SBK1: variants seen among roughly 807,000 people sequenced by gnomAD.
SBK1 encodes the protein SH3 domain binding kinase 1.
A neutral mutation model predicts 24.4 loss-of-function variants in SBK1; 11 were observed. The ratio of observed to expected loss-of-function variants is 0.45; its 90% CI spans 0.28 to 0.75. The LOEUF (loss-of-function observed/expected upper bound fraction) is 0.75. SBK1 is among the 30% of genes least tolerant of loss of function. The pLI is 0.12. For synonymous variants in SBK1, 308 were observed against 284.4 expected, an observed-to-expected ratio of 1.08 and a Z score of -0.83; for missense variants, 467 against 620.5, an observed-to-expected ratio of 0.75 and a Z score of 2.63.
At chr16:28,316,902 G>A (rs915056212) in intron 1 of SBK1, among the ~76,000 whole-genome samples, 3 of 151,992 alleles carry the variant, frequency 2.0e-5, no homozygotes, top group African/African-American at 4.8e-5. Flanking sequence ...ACAACAAGCC[G>A]GGTGCAGTAG....
Position 28,319,932 on chromosome 16 carries a change from G to C in SBK1, c.430-144G>C. The stretch of plus-strand genomic sequence containing the variant: ...GGGGAAAGGGCGCTCAGCAGCATCC[G>C]GGCCGCGTCTGCGCGGTCGCCCCAG... On this transcript the variant is annotated intron_variant, in intron 3 of 3. Transcript: ENST00000341901. The surrounding 1 kb of genome is among the most constrained non-coding windows in gnomAD (Gnocchi z 4.0). 2.8e-6 allele frequency: 2 copies of C among 720,270 alleles called. No individual in the cohort carries two copies. Among genetic ancestry groups the C allele is most frequent in the Non-Finnish European group, 4.3e-6 (2 of 466,946 alleles). The allele number at this position is 720,270 out of a possible 1,614,324, so 44.6% of individuals were successfully genotyped here. A position where few individuals can be genotyped will look rare whatever the true frequency, so the allele number is the denominator to read the frequency against.
chr16:28,261,173 G>A (rs905582235), intron 1 of SBK1, among the ~76,000 whole-genome samples: 1 of 152,054 alleles, frequency 6.6e-6, no homozygotes, highest in South Asian at 2.1e-4. Flanking sequence ...GGTGCAGAAG[G>A]GCTTCTTGCC....
rs1489037008 is a variant in SBK1 at position 28,317,320 on chromosome 16, G to C, written c.-7-65G>C. ...AGTTTTCTGGGTTCTGGGGAGGGCAGAGGGGCTGGAGGAGGGGACCCTTGC... is the reference window on the plus strand; with the variant it reads ...AGTTTTCTGGGTTCTGGGGAGGGCACAGGGGCTGGAGGAGGGGACCCTTGC... On this transcript the variant is annotated intron_variant, in intron 1 of 3. Transcript: ENST00000341901. The surrounding 1 kb of genome is among the most constrained non-coding windows in gnomAD (Gnocchi z 4.2). 1.6e-6 allele frequency: 2 copies of C among 1,269,494 alleles called. No homozygotes were observed. Among genetic ancestry groups the C allele is most frequent in the Non-Finnish European group, 2.3e-6 (2 of 881,488 alleles). The allele number at this position is 1,269,494 out of a possible 1,614,324, so 78.6% of individuals were successfully genotyped here.
intron 1 of SBK1, among the ~76,000 whole-genome samples, chr16:28,274,303 T>C (rs764254985): frequency 3.3e-5 from 5 of 152,110 alleles, no homozygotes; most frequent in Non-Finnish European, 7.4e-5. Flanking sequence ...AGAAATTTGT[T>C]GGGAGGAGAG....
chr16:28,273,992 G>A (rs886979146), intron 1 of SBK1, among the ~76,000 whole-genome samples: 3 of 152,200 alleles, frequency 2.0e-5, no homozygotes. Context: ...CCAGTGATAT[G>A]ACATTCTGGA....
intron 1 of SBK1, among the ~76,000 whole-genome samples, chr16:28,266,748 TA>T (rs1209947007): frequency 1.1e-3 from 109 of 101,208 alleles, no homozygotes; most frequent in African/African-American, 3.3e-3. Context: ...TTTTTTTTTT[TA>T]AAAAAAAAAC....
rs1555535563 is a variant in SBK1 at position 28,261,478 on chromosome 16, C to CA, written c.257+1978dup. ...ACACACACACACACACACACACACA[C>CA]AATTAGCCAGGCATGGTGGCATGCA... is the stretch of plus-strand genomic sequence containing the variant. On this transcript the variant is annotated intron_variant, in intron 1 of 3. Coordinates refer to the SBK1 transcript ENST00000671413. Among the ~76,000 whole-genome samples, 7 of 138,076 alleles carry CA rather than the reference C, an allele frequency of 5.1e-5. No homozygotes were observed. In the South Asian group the frequency reaches 1.5e-3, roughly 29 times the overall value. The allele number at this position is 138,076 out of a possible 152,430, so 90.6% of individuals were successfully genotyped here. A position where few individuals can be genotyped will look rare whatever the true frequency, so the allele number is the denominator to read the frequency against.
chr16:28,313,768 G>A (rs1005521992), intron 1 of SBK1, among the ~76,000 whole-genome samples: 3 of 152,010 alleles, frequency 2.0e-5, no homozygotes, highest in Non-Finnish European at 4.4e-5. Flanking sequence ...TTTGGGGCTG[G>A]GTGGGAGGCC....
At chr16:28,293,367 G>C in intron 1 of SBK1, 67 bp downstream of exon 1, 2 of 807,804 alleles carry the variant, frequency 2.5e-6, no homozygotes, top group Non-Finnish European at 3.0e-6. Flanking sequence ...CCTGCAGGTG[G>C]GGAAGGAAGT....
At chr16:28,299,088 G>T (rs1408274334) in intron 1 of SBK1, among the ~76,000 whole-genome samples, 2 of 152,126 alleles carry the variant, frequency 1.3e-5, no homozygotes, top group African/African-American at 2.4e-5. Context: ...GGCACAATGG[G>T]GCCCACAGAT....
intron 1 of SBK1, among the ~76,000 whole-genome samples, chr16:28,303,671 C>T (rs536853381): frequency 1.9e-4 from 29 of 151,866 alleles, no homozygotes; most frequent in Admixed American, 1.8e-3. Context: ...TATGCCACCA[C>T]TCCTGCCTGC....
chr16:28,301,175 G>A (rs1567676883), intron 1 of SBK1, among the ~76,000 whole-genome samples: 1 of 152,196 alleles, frequency 6.6e-6, no homozygotes, highest in East Asian at 1.9e-4. Context: ...AGGCAGCCAG[G>A]CTGGGAAGAC....
At chr16:28,296,316 A>G (rs2044640338) in intron 1 of SBK1, among the ~76,000 whole-genome samples, 2 of 151,734 alleles carry the variant, frequency 1.3e-5, no homozygotes, top group Admixed American at 1.3e-4. Flanking sequence ...GCTGGTCTTG[A>G]ACTCCTGACC....
At position 28,320,849 on chromosome 16, in the gene SBK1, C is replaced by T. The variant is rs1186665381; in HGVS notation, c.1203C>T (p.Gly401=). Reference sequence around the variant, plus strand: ...GCCTAGCTCCCCAGGGGCCCCCCGGCCGGACCGACGGCCGCGCGGACAAGA... The same window carrying T: ...GCCTAGCTCCCCAGGGGCCCCCCGGTCGGACCGACGGCCGCGCGGACAAGA... ...EPGLAPQGPP[G]RTDGRADKSK... is the part of the protein sequence containing the mutation. The change falls in exon 4 of 4, where the codon GGC becomes GGT. Residue 401 remains glycine (G), a synonymous_variant. Coordinates refer to ENST00000341901, the MANE Select transcript of SBK1 (RefSeq NM_001024401.3). The surrounding 1 kb of genome is among the most constrained non-coding windows in gnomAD (Gnocchi z 8.5). 1.4e-6 allele frequency: 2 copies of T among 1,478,768 alleles called. No homozygotes were observed. The highest frequency in any genetic ancestry group is 1.8e-6 in the Non-Finnish European group (2 of 1,116,936). The allele number at this position is 1,478,768 out of a possible 1,614,324, so 91.6% of individuals were successfully genotyped here.
At chr16:28,311,459 G>A (rs2044754603) in intron 1 of SBK1, among the ~76,000 whole-genome samples, 1 of 152,058 alleles carries the variant, frequency 6.6e-6, no homozygotes, top group African/African-American at 2.4e-5. Context: ...GCCAGGGGTG[G>A]TGGCTTGGCA....
At chr16:28,266,774 C>G (rs1361246192) in intron 1 of SBK1, among the ~76,000 whole-genome samples, 1 of 147,440 alleles carries the variant, frequency 6.8e-6, no homozygotes, top group Non-Finnish European at 1.5e-5. Flanking sequence ...CAGGATCTTG[C>G]TCTGTAGCCC....
At chr16:28,304,963 G>T (rs187011074) in intron 1 of SBK1, among the ~76,000 whole-genome samples, 13 of 152,144 alleles carry the variant, frequency 8.5e-5, no homozygotes, top group African/African-American at 3.1e-4. Flanking sequence ...AGACTGGGGT[G>T]CAGTGGCACC....
chr16:28,277,898 C>G (rs906123015), intron 1 of SBK1, among the ~76,000 whole-genome samples: 1 of 152,248 alleles, frequency 6.6e-6, no homozygotes, highest in Non-Finnish European at 1.5e-5. Context: ...CATATGCGGA[C>G]CGGCCGGCAA....
intron 1 of SBK1, among the ~76,000 whole-genome samples, chr16:28,274,105 G>A (rs1009425768): frequency 1.3e-5 from 2 of 152,190 alleles, no homozygotes; most frequent in Admixed American, 6.6e-5. Flanking sequence ...TTAGGGCAGT[G>A]AAACTATTCT....
Sources: allele counts gnomAD v4.1 joint callset (sites outside exome capture counted in the v4.1 genomes callset), GRCh38; gene constraint gnomAD v4.1.1; non-coding constraint Gnocchi (gnomAD v3.1); transcripts MANE v1.5; gene names NCBI Gene and HGNC (gene_info 2026-07-23, HGNC 2026-07-21).